DDX60: variants seen among roughly 807,000 people sequenced by gnomAD.
DDX60 encodes the protein DExD/H-box helicase 60, also known as probable ATP-dependent RNA helicase DDX60.
DDX60 carries 165 observed loss-of-function variants against 212.8 expected under a neutral mutation model. The ratio of observed to expected loss-of-function variants is 0.78; its 90% CI spans 0.68 to 0.88. The LOEUF is 0.88. Among genes scored for constraint, DDX60 ranks in the 40% least tolerant of loss-of-function variants. The pLI, the probability that DDX60 is intolerant of heterozygous loss-of-function variation, is 0.00. For synonymous variants in DDX60, 703 were observed against 685.3 expected (o/e 1.03, Z -0.40); for missense variants, 1,905 against 2,003.9 (o/e 0.95, Z 0.94).
intron 4 of DDX60, among the ~76,000 whole-genome samples, 159 bp from the exon 5 acceptor site, chr4:168,306,879 G>C (rs1342928785): frequency 6.6e-6 from 1 of 152,182 alleles, no homozygotes; most frequent in Non-Finnish European, 1.5e-5. Context: ...CCATCTTACA[G>C]ATATTTGCTG....
In DDX60 at chr4:168,268,944, C is replaced by T. The variant is rs754235090; in HGVS notation, c.2696G>A (p.Gly899Glu). The change falls in exon 20 of 38, where the codon GGA (glycine) becomes GAA (glutamate). Residue 899 changes from glycine to glutamate, a missense_variant. Coordinates refer to ENST00000393743, the MANE Select transcript of DDX60 (RefSeq NM_017631.6). Reference sequence around the variant, plus strand: ...AAGGAGATGTTCCCAGATTTCTGCTCCAATTTCTCCACCAAGACAATGAAC... The same window carrying T: ...AAGGAGATGTTCCCAGATTTCTGCTTCAATTTCTCCACCAAGACAATGAAC... Reference protein sequence around the residue: ...DEVHCLGGEIGAEIWEHLLVM... With the variant: ...DEVHCLGGEIEAEIWEHLLVM... The T allele has an allele frequency of 6.3e-7, 1 of 1,585,852 alleles. No homozygotes were observed. Among genetic ancestry groups the T allele is most frequent in the Non-Finnish European group, 8.6e-7 (1 of 1,162,870 alleles).
chr4:168,247,434 T>C (rs3805397), intron 29 of DDX60, among the ~76,000 whole-genome samples: 8,868 of 152,216 alleles, frequency 0.058, 450 homozygotes, highest in East Asian at 0.15. Flanking sequence ...GAATGTTATA[T>C]TGGGTAGGAA....
intron 10 of DDX60, among the ~76,000 whole-genome samples, chr4:168,285,847 G>A (rs1009851183): frequency 6.1e-5 from 9 of 147,416 alleles, no homozygotes; most frequent in African/African-American, 2.3e-4. Flanking sequence ...ATGACAGATG[G>A]ATAAATCAGA....
chr4:168,291,481 T>C (rs1277786888), intron 8 of DDX60, among the ~76,000 whole-genome samples: 1 of 152,244 alleles, frequency 6.6e-6, no homozygotes, highest in Non-Finnish European at 1.5e-5. Flanking sequence ...TCAACTACAG[T>C]TGATAACACA....
chr4:168,237,943 G>C lies in DDX60; in HGVS notation c.4165-148C>G, dbSNP rs574540552. 165 of 550,222 alleles carry C rather than the reference G, an allele frequency of 3.0e-4. 1 individual carries two copies. The South Asian group carries it at 5.0e-3, about 17-fold the overall frequency. 34.1% of individuals were successfully genotyped at this position (550,222 alleles called of 1,614,324 possible). A position where few individuals can be genotyped will look rare whatever the true frequency, so the allele number is the denominator to read the frequency against. ...AAATTTGATTTCATATTATTTTATA[G>C]TGTTACATGGCAACTTCTTTAACAA... On this transcript the variant is annotated intron_variant, in intron 30 of 37. Coordinates refer to ENST00000393743, the MANE Select transcript of DDX60 (RefSeq NM_017631.6).
chr4:168,254,295 A>G (rs1184415784), intron 26 of DDX60, among the ~76,000 whole-genome samples: 2 of 152,136 alleles, frequency 1.3e-5, no homozygotes, highest in South Asian at 2.1e-4. Context: ...GGGTCCCCTC[A>G]CCCTCACTTT....
At chr4:168,249,502 AAAT>A (rs1402104709) in intron 28 of DDX60, among the ~76,000 whole-genome samples, 3 of 152,308 alleles carry the variant, frequency 2.0e-5, no homozygotes, top group South Asian at 2.1e-4. Flanking sequence ...AAAATGTAGA[AAAT>A]AATAATACAT....
intron 3 of DDX60, 61 bp from the exon 4 acceptor site, chr4:168,308,256 C>T (rs2149551522): frequency 2.9e-6 from 3 of 1,026,710 alleles, no homozygotes; most frequent in Non-Finnish European, 4.2e-6. Context: ...TCCAAAAAGG[C>T]ATCGTTCTTA....
intron 33 of DDX60, among the ~76,000 whole-genome samples, chr4:168,227,078 C>T (rs1056320975): frequency 6.6e-5 from 10 of 151,880 alleles, no homozygotes; most frequent in East Asian, 1.9e-4. Context: ...ATTCTCTTTA[C>T]GATAAAAATC....
intron 13 of DDX60, among the ~76,000 whole-genome samples, chr4:168,281,864 C>T (rs1264525002): frequency 6.6e-6 from 1 of 152,132 alleles, no homozygotes; most frequent in African/African-American, 2.4e-5. Context: ...TCCTAATTTG[C>T]TGTGTTGGGC....
At chr4:168,237,557 T>C in intron 31 of DDX60, 130 bp from the exon 32 acceptor site, 1 of 1,157,006 alleles carries the variant, frequency 8.6e-7, no homozygotes, top group Non-Finnish European at 1.2e-6. Flanking sequence ...GGGCCCAACT[T>C]TTATAATTAT....
At chr4:168,264,958 A>G (rs1734778785) in intron 22 of DDX60, among the ~76,000 whole-genome samples, 1 of 152,206 alleles carries the variant, frequency 6.6e-6, no homozygotes, top group Non-Finnish European at 1.5e-5. Flanking sequence ...ATTTTTGTAA[A>G]CCACATTGTC....
chr4:168,263,376 A>G (rs1323300373), intron 22 of DDX60, among the ~76,000 whole-genome samples: 2 of 152,222 alleles, frequency 1.3e-5, no homozygotes, highest in African/African-American at 4.8e-5. Flanking sequence ...AAGTGGAAAT[A>G]AAAAATTCCT....
rs1422044044 is a variant in DDX60, at chr4:168,225,656, AG to A, written c.4553del (p.Pro1518LeufsTer8). The A allele has an allele frequency of 6.2e-7, 1 of 1,611,168 alleles. No individual in the cohort carries two copies. Among genetic ancestry groups the A allele is most frequent in the African/African-American group, 1.3e-5 (1 of 74,922 alleles). On this transcript the variant is annotated frameshift_variant, in exon 34 of 38. Transcript: ENST00000393743. LOFTEE classifies it high-confidence loss of function. ...CATCTAAAGCATCACTAAAATCCTC[AG>A]GGAGATCATCAAGGAACACCTAGAA... is the stretch of plus-strand genomic sequence containing the variant. ...YQSKVFLDDLPEDFSDALDEY... is the reference protein window; with the variant it reads ...YQSKVFLDDLXEDFSDALDEY...
intron 13 of DDX60, among the ~76,000 whole-genome samples, chr4:168,280,990 A>T (rs1735568111): frequency 1.3e-5 from 2 of 152,024 alleles, no homozygotes; most frequent in Non-Finnish European, 2.9e-5. Flanking sequence ...AAATACAAAA[A>T]TTAGCTGGGC....
At chr4:168,237,603 C>T in intron 31 of DDX60, 88 bp downstream of exon 31, 1 of 1,272,788 alleles carries the variant, frequency 7.9e-7, no homozygotes, top group Non-Finnish European at 1.1e-6. Context: ...TGGATAGAAC[C>T]TTCTAAAAGC....
intron 30 of DDX60, among the ~76,000 whole-genome samples, chr4:168,242,790 C>T (rs751571758): frequency 4.1e-4 from 62 of 152,046 alleles, no homozygotes; most frequent in Admixed American, 7.9e-4. Context: ...GTTAGAAAGG[C>T]ATGATTGGTT....
At chr4:168,299,906 C>A (rs1022518544) in intron 6 of DDX60, among the ~76,000 whole-genome samples, 1 of 152,112 alleles carries the variant, frequency 6.6e-6, no homozygotes, top group Non-Finnish European at 1.5e-5. Flanking sequence ...CATTATTTCA[C>A]AATATTGAAA....
rs376661582 is a variant in DDX60 at position 168,228,574 on chromosome 4, T to C, written c.4534-2898A>G. 2.0e-5 allele frequency among the ~76,000 whole-genome samples: 3 copies of C among 152,178 alleles called. 1 individual carries two copies. The highest frequency in any genetic ancestry group is 4.1e-4 in the South Asian group (2 of 4,828). ...TATAAGATATAGCTTTAATTTTATA[T>C]TTCTTAATCTTCCAAAATTTTAAAA... On this transcript the variant is annotated intron_variant, in intron 33 of 37. Coordinates refer to ENST00000393743, the MANE Select transcript of DDX60 (RefSeq NM_017631.6).
Sources: gnomAD v4.1 joint callset for allele counts (sites outside exome capture counted in the v4.1 genomes callset) on GRCh38, gnomAD v4.1.1 for gene constraint, MANE v1.5 for transcripts, NCBI Gene and HGNC (gene_info 2026-07-23, HGNC 2026-07-21) for gene names.